CDH13: variants seen among roughly 807,000 people sequenced by gnomAD.
CDH13 encodes the protein cadherin-13.
CDH13 carries 24 observed loss-of-function variants against 63.8 expected under a neutral mutation model. The observed-to-expected ratio is 0.38, with a 90% confidence interval of 0.27 to 0.53. The LOEUF (loss-of-function observed/expected upper bound fraction) is 0.53, where lower values mean the gene tolerates loss of function less well. Ranked by LOEUF, CDH13 falls within the 20% of genes least tolerant of loss-of-function variation. The pLI, the probability that CDH13 is intolerant of heterozygous loss-of-function variation, is 0.85. For missense variants in CDH13, 1,049 were observed against 903.1 expected (o/e 1.16, Z -2.07); for synonymous variants, 503 against 355.3 (o/e 1.42, Z -4.67).
chr16:83,029,328 A>G (rs1390798205), intron 2 of CDH13, among the ~76,000 whole-genome samples: 1 of 152,198 alleles, frequency 6.6e-6, no homozygotes, highest in South Asian at 2.1e-4. Flanking sequence ...GCTAGGATCT[A>G]TGTAGCTGTT....
chr16:82,668,461 C>T (rs777423841), intron 1 of CDH13, among the ~76,000 whole-genome samples: 1 of 152,054 alleles, frequency 6.6e-6, no homozygotes, highest in Non-Finnish European at 1.5e-5. Flanking sequence ...AAAGGGGGGA[C>T]AGTTATAATA....
chr16:83,632,170 A>G (rs907949189), intron 8 of CDH13, among the ~76,000 whole-genome samples: 6 of 151,802 alleles, frequency 4.0e-5, no homozygotes, highest in African/African-American at 1.5e-4. Context: ...ACTCCATCAC[A>G]CTGTCAGTTT....
At chr16:83,758,182 A>C (rs1349024027) in intron 11 of CDH13, among the ~76,000 whole-genome samples, 3 of 152,162 alleles carry the variant, frequency 2.0e-5, no homozygotes, top group Non-Finnish European at 4.4e-5. Context: ...AAACAATTTT[A>C]TACAAACCCT....
intron 2 of CDH13, among the ~76,000 whole-genome samples, chr16:83,012,259 A>T (rs972459513): frequency 4.0e-5 from 6 of 151,550 alleles, no homozygotes; most frequent in Admixed American, 2.0e-4. Context: ...AATTTTCCAA[A>T]TATAGCATCT....
chr16:82,834,232 A>C (rs1309175795), intron 1 of CDH13, among the ~76,000 whole-genome samples: 1 of 152,202 alleles, frequency 6.6e-6, no homozygotes, highest in East Asian at 1.9e-4. Context: ...TTAAAGGTCA[A>C]CGCCTTGTGC....
chr16:83,007,749 A>C (rs1412319843), intron 2 of CDH13, among the ~76,000 whole-genome samples: 1 of 151,328 alleles, frequency 6.6e-6, no homozygotes, highest in Non-Finnish European at 1.5e-5. Context: ...ACTTGAACCC[A>C]GGAGGCGGGG....
chr16:83,785,014 G>A (rs1022909368), intron 13 of CDH13, among the ~76,000 whole-genome samples: 3 of 152,232 alleles, frequency 2.0e-5, no homozygotes, highest in Non-Finnish European at 2.9e-5. Context: ...TTTCTGTAAA[G>A]CAGAGACAAT....
intron 4 of CDH13, among the ~76,000 whole-genome samples, chr16:83,199,856 C>A (rs2038973972): frequency 6.6e-6 from 1 of 152,026 alleles, no homozygotes; most frequent in Non-Finnish European, 1.5e-5. Flanking sequence ...AAAGATTTGC[C>A]CAAGGTTAAA....
intron 5 of CDH13, among the ~76,000 whole-genome samples, chr16:83,258,535 T>C (rs778180266): frequency 3.9e-5 from 6 of 152,204 alleles, no homozygotes; most frequent in Non-Finnish European, 7.3e-5. Flanking sequence ...AAAGATTGGG[T>C]ACACAGTGTT....
intron 2 of CDH13, among the ~76,000 whole-genome samples, chr16:83,000,191 C>G (rs1342583509): frequency 7.6e-6 from 1 of 132,172 alleles, no homozygotes. Context: ...ATGTAAATGC[C>G]TTGTCCCTAG....
At chr16:82,884,071 T>C in intron 2 of CDH13, 2 of 404,264 alleles carry the variant, frequency 4.9e-6, no homozygotes, top group Non-Finnish European at 4.9e-6. Context: ...AAACCAATAA[T>C]GAAGTGCCAT....
At chr16:82,793,308 A>G (rs1373455585) in intron 1 of CDH13, among the ~76,000 whole-genome samples, 1 of 152,176 alleles carries the variant, frequency 6.6e-6, no homozygotes, top group Non-Finnish European at 1.5e-5. Flanking sequence ...AAAGGCAATA[A>G]AAAGCAGTAG....
chr16:83,013,832 G>A (rs1292799751), intron 2 of CDH13, among the ~76,000 whole-genome samples: 2 of 152,186 alleles, frequency 1.3e-5, no homozygotes, highest in Non-Finnish European at 2.9e-5. Context: ...TTTTATTCTA[G>A]TGAGAGAGAC....
At chr16:83,635,099 A>G (rs547510446) in intron 8 of CDH13, among the ~76,000 whole-genome samples, 2 of 152,188 alleles carry the variant, frequency 1.3e-5, no homozygotes, top group East Asian at 1.9e-4. Flanking sequence ...ACTCTTTTTC[A>G]TTATAACCAT....
intron 5 of CDH13, among the ~76,000 whole-genome samples, chr16:83,284,966 A>G (rs1000753143): frequency 6.6e-6 from 1 of 152,202 alleles, no homozygotes; most frequent in Non-Finnish European, 1.5e-5. Flanking sequence ...ATTATAAAAG[A>G]TCTAGCCAGC....
intron 7 of CDH13, among the ~76,000 whole-genome samples, chr16:83,570,766 T>C (rs956068342): frequency 1.5e-4 from 21 of 143,464 alleles, no homozygotes; most frequent in East Asian, 2.0e-4. Context: ...TATATTTATA[T>C]ATATGAATAA....
chr16:82,992,819 A>G (rs943896051), intron 2 of CDH13, among the ~76,000 whole-genome samples: 19 of 152,336 alleles, frequency 1.2e-4, no homozygotes, highest in African/African-American at 4.3e-4. Context: ...AGAAGTTCAG[A>G]GGAACAGAAA....
chr16:83,018,487 CA>C (rs138061590), intron 2 of CDH13, among the ~76,000 whole-genome samples: 339 of 152,298 alleles, frequency 2.2e-3, no homozygotes, highest in African/African-American at 7.9e-3. Context: ...ATTGCTTCCA[CA>C]ATATTCCTGA....
At chr16:82,880,224 G>A (rs2040652663) in intron 2 of CDH13, among the ~76,000 whole-genome samples, 1 of 151,968 alleles carries the variant, frequency 6.6e-6, no homozygotes, top group Non-Finnish European at 1.5e-5. Flanking sequence ...CTTCTCAAGT[G>A]CAGCGTCCTC....
Sources: allele counts gnomAD v4.1 joint callset (sites outside exome capture counted in the v4.1 genomes callset), GRCh38; gene constraint gnomAD v4.1.1; transcripts MANE v1.5; gene names NCBI Gene and HGNC (gene_info 2026-07-23, HGNC 2026-07-21).